TNFSF11: variants seen among roughly 807,000 people sequenced by gnomAD.
TNFSF11 encodes the protein TNF superfamily member 11, also known as tumor necrosis factor ligand superfamily member 11.
TNFSF11 carries 12 observed loss-of-function variants against 32.2 expected under a neutral mutation model. The ratio of observed to expected loss-of-function variants is 0.37; its 90% CI spans 0.24 to 0.60. The LOEUF is 0.60. Among genes scored for constraint, TNFSF11 ranks in the 20% least tolerant of loss-of-function variants. TNFSF11 has a pLI of 0.66. For synonymous variants in TNFSF11, 172 were observed against 152.1 expected (o/e 1.13, Z -0.96); for missense variants, 345 against 398.0 (o/e 0.87, Z 1.13).
intron 1 of TNFSF11, among the ~76,000 whole-genome samples, chr13:42,577,924 T>C (rs1409389279): frequency 6.6e-6 from 1 of 152,224 alleles, no homozygotes; most frequent in Admixed American, 6.5e-5. Context: ...ATATTCAAGA[T>C]TTACTTAATG....
chr13:42,595,323 T>A (rs1361211473), intron 2 of TNFSF11, among the ~76,000 whole-genome samples: 1 of 152,238 alleles, frequency 6.6e-6, no homozygotes, highest in Admixed American at 6.5e-5. Context: ...TGCACTTATC[T>A]AAAAATGCAT....
At chr13:42,597,432 G>A (rs9566991) in intron 2 of TNFSF11, among the ~76,000 whole-genome samples, 1,559 of 148,720 alleles carry the variant, frequency 0.01, 10 homozygotes, top group South Asian at 0.036. Context: ...AAATGGGTCC[G>A]TAGCAACTCT....
intron 4 of TNFSF11, among the ~76,000 whole-genome samples, chr13:42,603,404 C>T (rs1365111773): frequency 6.6e-6 from 1 of 152,134 alleles, no homozygotes; most frequent in Non-Finnish European, 1.5e-5. Context: ...CAGTGTGCCT[C>T]AGTGATGAAA....
At chr13:42,602,437 T>G (rs1268744655) in intron 4 of TNFSF11, among the ~76,000 whole-genome samples, 1 of 152,238 alleles carries the variant, frequency 6.6e-6, no homozygotes, top group Non-Finnish European at 1.5e-5. Context: ...AAGTTCAAGT[T>G]TTGCTAAGTT....
chr13:42,566,606 T>C (rs1486604384), intron 1 of TNFSF11: 1 of 152,366 alleles, frequency 6.6e-6, no homozygotes, highest in Non-Finnish European at 1.5e-5. Flanking sequence ...AATTTTGGAC[T>C]TTAAAATCCA....
At chr13:42,566,687 A>T (rs1443133948) in exon 2 of TNFSF11, 1 of 152,360 alleles carries the variant, frequency 6.6e-6, no homozygotes, top group Non-Finnish European at 1.5e-5. Context: ...ATGAAGGAAC[A>T]TATTCAGGAT....
chr13:42,601,487 A>T (rs893283947), intron 4 of TNFSF11, among the ~76,000 whole-genome samples: 2 of 152,154 alleles, frequency 1.3e-5, no homozygotes, highest in African/African-American at 4.8e-5. Context: ...TCTCTGAGTA[A>T]ATGCTTAGCT....
At chr13:42,603,077 C>T (rs570509463) in intron 4 of TNFSF11, among the ~76,000 whole-genome samples, 1 of 152,264 alleles carries the variant, frequency 6.6e-6, no homozygotes, top group East Asian at 1.9e-4. Flanking sequence ...CCATTTATTA[C>T]CCAGTTTTGG....
intron 4 of TNFSF11, among the ~76,000 whole-genome samples, chr13:42,605,032 C>T (rs1022243385): frequency 3.3e-5 from 5 of 152,184 alleles, no homozygotes; most frequent in African/African-American, 1.2e-4. Context: ...ATCCACCCAC[C>T]TCAGCCTCCC....
At chr13:42,592,242 C>T (rs553639600) in intron 2 of TNFSF11, among the ~76,000 whole-genome samples, 1 of 152,206 alleles carries the variant, frequency 6.6e-6, no homozygotes, top group African/African-American at 2.4e-5. Context: ...ACAAGACTGT[C>T]CCACTTCAGA....
At chr13:42,585,010 T>C (rs1873813918) in intron 2 of TNFSF11, among the ~76,000 whole-genome samples, 1 of 152,336 alleles carries the variant, frequency 6.6e-6, no homozygotes, top group East Asian at 1.9e-4. Flanking sequence ...AATCAATCAG[T>C]GTTCATTAAG....
intron 4 of TNFSF11, among the ~76,000 whole-genome samples, chr13:42,604,889 T>C (rs150345958): frequency 6.6e-6 from 1 of 152,216 alleles, no homozygotes; most frequent in Non-Finnish European, 1.5e-5. Flanking sequence ...ATTCAAGTAA[T>C]TCTCCTGCCT....
At chr13:42,580,019 A>T (rs1270034409) in intron 1 of TNFSF11, among the ~76,000 whole-genome samples, 1 of 152,110 alleles carries the variant, frequency 6.6e-6, no homozygotes, top group African/African-American at 2.4e-5. Flanking sequence ...CTAACACATC[A>T]TTCTGATTAA....
In TNFSF11 at chr13:42,565,621, T is replaced by C. The variant is rs534925452; in HGVS notation, c.-301-1000T>C. On this transcript the variant is annotated intron_variant, in intron 1 of 6. Coordinates refer to the TNFSF11 transcript ENST00000358545. ...GTACAAGAAAATTACAAGTTATTCT[T>C]ATGTTCTAAAACTAGAACTTTAAGT... Among the ~76,000 whole-genome samples the C allele has an allele frequency of 2.0e-5, 3 of 152,352 alleles. No individual in the cohort carries two copies. In the East Asian group the frequency reaches 5.8e-4, roughly 29 times the overall value.
intron 4 of TNFSF11, 58 bp from the exon 5 acceptor site, chr13:42,606,439 A>C: frequency 6.2e-7 from 1 of 1,604,608 alleles, no homozygotes; most frequent in Non-Finnish European, 8.5e-7. Flanking sequence ...TAGAATTGTG[A>C]AGACGTCCTT....
intron 1 of TNFSF11, among the ~76,000 whole-genome samples, chr13:42,575,247 C>G (rs1873254170): frequency 6.6e-6 from 1 of 152,232 alleles, no homozygotes; most frequent in African/African-American, 2.4e-5. Context: ...AGTGTTACTA[C>G]AGTCTAGCAA....
intron 4 of TNFSF11, among the ~76,000 whole-genome samples, chr13:42,603,373 C>A (rs553990889): frequency 6.6e-6 from 1 of 152,210 alleles, no homozygotes; most frequent in East Asian, 1.9e-4. Flanking sequence ...GGAAAGCTGG[C>A]AGGCTGGAGT....
In TNFSF11 at chr13:42,574,472, C is replaced by T. The variant is rs1038970854; in HGVS notation, c.169C>T (p.Leu57=). The change falls in exon 1 of 5, where the codon CTG becomes TTG. Residue 57 remains leucine (L), a synonymous_variant. Transcript: ENST00000398795. ...GTTCGTGGCCCTCCTGGGGCTGGGG[C>T]TGGGCCAGGTTGTCTGCAGCGTCGC... ...SMFVALLGLG[L]GQVVCSVALF... is the part of the protein sequence containing the mutation. The T allele has an allele frequency of 1.2e-6, 2 of 1,609,124 alleles. No homozygotes were observed. Among genetic ancestry groups the T allele is most frequent in the Admixed American group, 1.7e-5 (1 of 59,988 alleles).
intron 2 of TNFSF11, among the ~76,000 whole-genome samples, chr13:42,596,832 G>C (rs1282588105): frequency 6.6e-6 from 1 of 152,202 alleles, no homozygotes; most frequent in African/African-American, 2.4e-5. Context: ...CTCAATACCT[G>C]CTACATATTC....
Sources: gnomAD v4.1 joint callset for allele counts (sites outside exome capture counted in the v4.1 genomes callset) on GRCh38, gnomAD v4.1.1 for gene constraint, MANE v1.5 for transcripts, NCBI Gene and HGNC (gene_info 2026-07-23, HGNC 2026-07-21) for gene names.